RORA: variants seen among roughly 807,000 people sequenced by gnomAD.
RORA encodes the protein RAR related orphan receptor A.
A neutral mutation model predicts 69.5 loss-of-function variants in RORA; 7 were observed. That is an observed-to-expected ratio of 0.10 (90% confidence interval 0.06 to 0.19). The LOEUF (loss-of-function observed/expected upper bound fraction) is 0.19. Ranked by LOEUF, RORA falls within the 10% of genes least tolerant of loss-of-function variation. RORA has a pLI of 1.00. For synonymous variants in RORA, 261 were observed against 240.8 expected (o/e 1.08, Z -0.78); for missense variants, 457 against 663.0 (o/e 0.69, Z 3.41).
chr15:60,613,008 G>A (rs540853315), intron 2 of RORA, among the ~76,000 whole-genome samples: 13 of 151,384 alleles, frequency 8.6e-5, no homozygotes, highest in African/African-American at 2.9e-4. Context: ...TATCTTTAAG[G>A]CCACTGTTCA....
intron 1 of RORA, among the ~76,000 whole-genome samples, chr15:61,221,820 C>T (rs555116229): frequency 6.6e-6 from 1 of 152,152 alleles, no homozygotes; most frequent in African/African-American, 2.4e-5. Flanking sequence ...ATGGTCTGTG[C>T]GTGGATGCAG....
intron 2 of RORA, among the ~76,000 whole-genome samples, chr15:60,533,497 A>G (rs182253738): frequency 2.2e-4 from 34 of 152,358 alleles, no homozygotes; most frequent in Admixed American, 2.0e-3. Flanking sequence ...TTTATGAAAT[A>G]TGGTATCTAA....
At chr15:61,106,248 A>G (rs960586340) in intron 1 of RORA, among the ~76,000 whole-genome samples, 5 of 152,226 alleles carry the variant, frequency 3.3e-5, no homozygotes, top group Non-Finnish European at 7.3e-5. Flanking sequence ...GATGAAAAAT[A>G]TTACACATGG....
At chr15:60,517,953 G>A (rs1370694806) in intron 3 of RORA, among the ~76,000 whole-genome samples, 1 of 152,136 alleles carries the variant, frequency 6.6e-6, no homozygotes, top group Non-Finnish European at 1.5e-5. Flanking sequence ...CCCAGCATCT[G>A]TCACCTTTCT....
chr15:60,979,426 TC>T (rs147065826), intron 1 of RORA, among the ~76,000 whole-genome samples: 7,796 of 152,132 alleles, frequency 0.051, 650 homozygotes, highest in African/African-American at 0.18. Flanking sequence ...TTGCATTGAA[TC>T]TGTATATCAA....
chr15:60,635,814 TA>T (rs547723542), intron 2 of RORA, among the ~76,000 whole-genome samples: 2 of 152,042 alleles, frequency 1.3e-5, no homozygotes, highest in East Asian at 1.9e-4. Flanking sequence ...TAATTTCAAC[TA>T]AAAAAAATGC....
At chr15:60,645,859 C>G (rs986254827) in intron 2 of RORA, among the ~76,000 whole-genome samples, 1 of 150,558 alleles carries the variant, frequency 6.6e-6, no homozygotes, top group Non-Finnish European at 1.5e-5. Context: ...TACATATATA[C>G]AGCATATACA....
chr15:60,663,383 T>C, intron 2 of RORA, among the ~76,000 whole-genome samples: 1 of 152,240 alleles, frequency 6.6e-6, no homozygotes, highest in East Asian at 1.9e-4. Flanking sequence ...CCAAGAGGGT[T>C]AGTTCCAGAA....
rs560391954 is a variant in RORA, at chr15:60,834,554, G to A, written c.167-155868C>T. Reference sequence around the variant, plus strand: ...TAGTTTGGCAGATTACCAAGGTGATGATATTAAGCTTAAGACTGCCTGTTA... The same window carrying A: ...TAGTTTGGCAGATTACCAAGGTGATAATATTAAGCTTAAGACTGCCTGTTA... On this transcript the variant is annotated intron_variant, in intron 1 of 10. Coordinates refer to ENST00000335670, the MANE Select transcript of RORA (RefSeq NM_134261.3). Among the ~76,000 whole-genome samples the A allele has an allele frequency of 5.1e-4, 78 of 152,320 alleles. 3 individuals are homozygous for A. In the South Asian group the frequency reaches 0.015, roughly 30 times the overall value.
chr15:61,180,694 G>A (rs555070864), intron 1 of RORA, among the ~76,000 whole-genome samples: 1 of 152,252 alleles, frequency 6.6e-6, no homozygotes, highest in South Asian at 2.1e-4. Flanking sequence ...CTGTATTTTT[G>A]CTGTCTTCCT....
chr15:60,892,380 T>C (rs1240655088), intron 1 of RORA, among the ~76,000 whole-genome samples: 1 of 152,208 alleles, frequency 6.6e-6, no homozygotes, highest in African/African-American at 2.4e-5. Flanking sequence ...AGGGTAATTA[T>C]ATAGTGAAGG....
chr15:60,552,988 G>A (rs1288897075), intron 2 of RORA, among the ~76,000 whole-genome samples: 1 of 152,174 alleles, frequency 6.6e-6, no homozygotes, highest in Non-Finnish European at 1.5e-5. Context: ...TCATGGGCAA[G>A]TTATTTAACC....
At chr15:60,652,958 A>G (rs1454091835) in intron 2 of RORA, among the ~76,000 whole-genome samples, 1 of 152,202 alleles carries the variant, frequency 6.6e-6, no homozygotes, top group Non-Finnish European at 1.5e-5. Context: ...GCACCTGCCA[A>G]TAAAAGTGAT....
chr15:61,041,176 C>G (rs1271956053), intron 1 of RORA: 1 of 152,224 alleles, frequency 6.6e-6, no homozygotes, highest in Non-Finnish European at 1.5e-5. Flanking sequence ...CTTTGCCTGT[C>G]ATCACTACAC....
chr15:60,772,237 T>C (rs1347605180), intron 1 of RORA, among the ~76,000 whole-genome samples: 1 of 151,608 alleles, frequency 6.6e-6, no homozygotes, highest in Non-Finnish European at 1.5e-5. Context: ...GGCCGCGGTG[T>C]GTGATGTTCC....
intron 1 of RORA, among the ~76,000 whole-genome samples, chr15:60,933,635 G>T (rs1208873154): frequency 6.6e-6 from 1 of 152,140 alleles, no homozygotes; most frequent in Non-Finnish European, 1.5e-5. Context: ...GAGGGGTGGG[G>T]GAGGATGTCT....
chr15:60,775,607 G>T (rs76957799), intron 1 of RORA, among the ~76,000 whole-genome samples: 6 of 152,018 alleles, frequency 3.9e-5, no homozygotes, highest in Middle Eastern at 3.4e-3. Flanking sequence ...TCCCCTCCCT[G>T]ATTACCCCCT....
chr15:61,027,749 T>C (rs1895905947), intron 1 of RORA, among the ~76,000 whole-genome samples: 1 of 152,216 alleles, frequency 6.6e-6, no homozygotes, highest in Non-Finnish European at 1.5e-5. Flanking sequence ...CCTAAAACTA[T>C]GGTGGTTAAC....
At chr15:60,521,924 G>A (rs911139925) in intron 3 of RORA, among the ~76,000 whole-genome samples, 2 of 151,912 alleles carry the variant, frequency 1.3e-5, no homozygotes, top group South Asian at 2.1e-4. Flanking sequence ...TTTCTGATAC[G>A]TGTCTTACCT....
Sources: allele counts gnomAD v4.1 joint callset (sites outside exome capture counted in the v4.1 genomes callset), GRCh38; gene constraint gnomAD v4.1.1; transcripts MANE v1.5; gene names NCBI Gene and HGNC (gene_info 2026-07-23, HGNC 2026-07-21).